The following MGA variants were observed in gnomAD, a reference collection of about 807,000 sequenced individuals.
The protein encoded by MGA is MAX dimerization protein MGA, also known as MAX gene-associated protein.
In MGA, 40 loss-of-function variants were observed where a neutral mutation model predicts 261.1. The ratio of observed to expected loss-of-function variants is 0.15; its 90% confidence interval spans 0.12 to 0.20. The LOEUF is 0.20. MGA is among the 10% of genes least tolerant of loss of function. MGA has a pLI of 1.00. For missense variants in MGA, 3,397 were observed against 3,630.5 expected (o/e 0.94, Z 1.65); for synonymous variants, 1,302 against 1,290.6 (o/e 1.01, Z -0.19).
At chr15:41,715,484 A>G (rs1008595969) in intron 9 of MGA, among the ~76,000 whole-genome samples, 28 of 152,044 alleles carry the variant, frequency 1.8e-4, no homozygotes, top group African/African-American at 6.3e-4. Flanking sequence ...ATATTTAATT[A>G]TATTTCTTCT....
At chr15:41,654,543 G>C (rs990256704) in intron 1 of MGA, among the ~76,000 whole-genome samples, 2 of 152,182 alleles carry the variant, frequency 1.3e-5, no homozygotes, top group Non-Finnish European at 1.5e-5. Flanking sequence ...CCCTGAGGCA[G>C]TATTGCCCTT....
intron 2 of MGA, among the ~76,000 whole-genome samples, chr15:41,687,163 T>A (rs184372372): frequency 6.6e-6 from 1 of 152,188 alleles, no homozygotes; most frequent in Non-Finnish European, 1.5e-5. Flanking sequence ...CATCATTAAC[T>A]CCTTTGTTCT....
At chr15:41,715,452 T>C (rs1483183388) in intron 9 of MGA, among the ~76,000 whole-genome samples, 1 of 152,088 alleles carries the variant, frequency 6.6e-6, no homozygotes, top group Non-Finnish European at 1.5e-5. Context: ...AGAAAGTCTT[T>C]CTCTACCTTG....
Position 41,713,373 on chromosome 15 carries a change from G to T in MGA, c.3307G>T (p.Ala1103Ser), listed in dbSNP as rs766417789. 6.2e-7 allele frequency: 1 copy of T among 1,612,454 alleles called. No homozygotes were observed. Among genetic ancestry groups the T allele is most frequent in the East Asian group, 2.2e-5 (1 of 44,868 alleles). The change falls in exon 9 of 24, where the codon GCT becomes TCT. Residue 1103 changes from alanine (A) to serine (S), a missense_variant. Ala to Ser is a moderately conservative substitution (Grantham distance 99). Around this residue, in one of 9 missense-constraint regions of MGA, gnomAD observed 519 missense variants for 554.1 expected, o/e 0.94. Transcript: ENST00000219905. ...CAAAACTAAGCATTTTCAGAGGAAG[G>T]CTGCTCATCGAGATCCAGTATTTTA... is the stretch of plus-strand genomic sequence containing the variant.
At position 41,743,057 on chromosome 15, in the gene MGA, C is replaced by A; in HGVS notation, c.5097C>A (p.Val1699=). Residue 1699 remains valine (V), a synonymous_variant, in exon 15 of 24, where the codon GTC becomes GTA. Coordinates refer to ENST00000219905, the MANE Select transcript of MGA (RefSeq NM_001164273.2). ...CTTCCACTGCTTCCACCTCCTTAGTCGTGGTGACTGCAGCTGCATCTTCCT... is the reference window on the plus strand; with the variant it reads ...CTTCCACTGCTTCCACCTCCTTAGTAGTGGTGACTGCAGCTGCATCTTCCT... 6.2e-7 allele frequency: 1 copy of A among 1,613,984 alleles called. No homozygotes were observed. The highest frequency in any genetic ancestry group is 8.5e-7 in the Non-Finnish European group (1 of 1,179,868).
At chr15:41,757,456 C>A (rs923558297) in intron 18 of MGA, among the ~76,000 whole-genome samples, 1 of 152,086 alleles carries the variant, frequency 6.6e-6, no homozygotes, top group African/African-American at 2.4e-5. Context: ...TATGCAAATA[C>A]TATGCCATTT....
chr15:41,697,384 C>G (rs2059595430), intron 3 of MGA, among the ~76,000 whole-genome samples: 3 of 149,358 alleles, frequency 2.0e-5, no homozygotes, highest in Admixed American at 1.3e-4. Context: ...CGCTCCATTT[C>G]TTTTACCTCC....
upstream of MGA, among the ~76,000 whole-genome samples, chr15:41,657,416 C>T (rs889196508): frequency 2.2e-5 from 3 of 137,952 alleles, no homozygotes; most frequent in Non-Finnish European, 4.5e-5. Flanking sequence ...TGCGGTGGCG[C>T]GATCTCGGCT....
chr15:41,750,306 T>A lies in MGA; in HGVS notation c.6699T>A (p.Asp2233Glu). The stretch of plus-strand genomic sequence containing the variant: ...TTGGAAAAAGTGGAATTACTGAAGA[T>A]GCCAGAGTTTTGAAAACTGAATGTG... Residue 2233 changes from aspartate to glutamate, a missense_variant, in exon 17 of 24, where the codon GAT (aspartate) becomes GAA (glutamate). Transcript: ENST00000219905. The A allele has an allele frequency of 6.2e-7, 1 of 1,614,030 alleles. No individual in the cohort carries two copies. The highest frequency in any genetic ancestry group is 8.5e-7 in the Non-Finnish European group (1 of 1,179,890).
At chr15:41,632,137 A>G (rs1379009674) in intron 1 of MGA, among the ~76,000 whole-genome samples, 1 of 152,176 alleles carries the variant, frequency 6.6e-6, no homozygotes, top group African/African-American at 2.4e-5. Flanking sequence ...TCCATGATAC[A>G]TGTGTGTACT....
At chr15:41,727,692 C>T (rs2061323800) in intron 10 of MGA, among the ~76,000 whole-genome samples, 1 of 151,886 alleles carries the variant, frequency 6.6e-6, no homozygotes, top group Non-Finnish European at 1.5e-5. Flanking sequence ...AGATACTACT[C>T]CTGTATTGTA....
At chr15:41,684,503 G>C in intron 2 of MGA, 1 of 385,908 alleles carries the variant, frequency 2.6e-6, no homozygotes. Flanking sequence ...CATGTATAAA[G>C]TTTTTGTTGG....
Position 41,757,801 on chromosome 15 carries a change from A to G in MGA, c.7153A>G (p.Ile2385Val), listed in dbSNP as rs1427062470. The change falls in exon 19 of 24, where the codon ATC becomes GTC. Residue 2385 changes from isoleucine (I) to valine (V), a missense_variant. By Grantham distance (29) the Ile-to-Val change is conservative. This residue lies in a region of MGA where 1,410 missense variants were observed against 1,386.4 expected (regional missense o/e 1.02). Coordinates refer to ENST00000219905, the MANE Select transcript of MGA (RefSeq NM_001164273.2). ...GTCTTTATCCAGGTCCTGTACTCAC[A>G]TCTCTGCAGATGAAAAAGCAGCTGA... is the stretch of plus-strand genomic sequence containing the variant. 1 of 1,610,760 alleles carries G rather than the reference A, an allele frequency of 6.2e-7. No homozygotes were observed. Among genetic ancestry groups the G allele is most frequent in the South Asian group, 1.1e-5 (1 of 90,818 alleles).
At chr15:41,632,877 A>G (rs2056619685) in intron 1 of MGA, among the ~76,000 whole-genome samples, 1 of 152,202 alleles carries the variant, frequency 6.6e-6, no homozygotes, top group African/African-American at 2.4e-5. Flanking sequence ...AGCCACAGAC[A>G]ATAATACACA....
chr15:41,660,090 T>C (rs566352263), upstream of MGA, among the ~76,000 whole-genome samples: 1 of 152,192 alleles, frequency 6.6e-6, no homozygotes, highest in East Asian at 1.9e-4. Flanking sequence ...AAAGGCACAG[T>C]TGAGAAAGGC....
intron 11 of MGA, among the ~76,000 whole-genome samples, chr15:41,733,175 C>A (rs895623463): frequency 6.6e-6 from 1 of 152,092 alleles, no homozygotes; most frequent in Non-Finnish European, 1.5e-5. Context: ...CCAGGCTGAT[C>A]TTGAACTTCT....
chr15:41,639,706 A>G (rs1212351443), intron 1 of MGA, among the ~76,000 whole-genome samples: 1 of 151,768 alleles, frequency 6.6e-6, no homozygotes, highest in Non-Finnish European at 1.5e-5. Context: ...CACCACGCCC[A>G]GCTAATTTTT....
At chr15:41,763,092 C>CTTTTTTTTTTTTTTTTTTTTT (rs71108131) in intron 22 of MGA, among the ~76,000 whole-genome samples, 2 of 63,970 alleles carry the variant, frequency 3.1e-5, no homozygotes, top group Non-Finnish European at 5.8e-5. Flanking sequence ...TTCTTTCTTC[C>CTTTTTTTTTTTTTTTTTTTTT]TTTTTTTTTT....
intron 19 of MGA, among the ~76,000 whole-genome samples, chr15:41,758,386 TA>T (rs1161514949): frequency 1.3e-5 from 2 of 152,012 alleles, no homozygotes; most frequent in African/African-American, 4.8e-5. Flanking sequence ...TTTAAAAGAT[TA>T]AAAAAAGACA....
Sources: gnomAD v4.1 joint callset for allele counts (sites outside exome capture counted in the v4.1 genomes callset) on GRCh38, gnomAD v4.1.1 for gene constraint, gnomAD v4.1.1 regional missense constraint, MANE v1.5 for transcripts, NCBI Gene and HGNC (gene_info 2026-07-23, HGNC 2026-07-21) for gene names.